Variants in GPC6 observed in about 807,000 individuals in gnomAD.
GPC6 encodes glypican-6.
In GPC6, 14 loss-of-function variants were observed where a neutral mutation model predicts 55.2. That is an observed-to-expected ratio of 0.25 (90% CI 0.17 to 0.40). The LOEUF (loss-of-function observed/expected upper bound fraction) is 0.40. GPC6 is among the 10% of genes least tolerant of loss of function. GPC6 has a pLI of 1.00. For missense variants in GPC6, 641 were observed against 708.5 expected (o/e 0.90, Z 1.08); for synonymous variants, 278 against 259.6 (o/e 1.07, Z -0.68).
chr13:94,226,921 T>C (rs1340744148), intron 4 of GPC6, among the ~76,000 whole-genome samples: 2 of 152,148 alleles, frequency 1.3e-5, no homozygotes, highest in East Asian at 3.9e-4. Context: ...CAAGGAAAGA[T>C]GCCATGAACC....
At chr13:94,363,211 T>A (rs988324975) in intron 6 of GPC6, among the ~76,000 whole-genome samples, 2 of 152,190 alleles carry the variant, frequency 1.3e-5, no homozygotes, top group African/African-American at 2.4e-5. Flanking sequence ...ACTGATGATA[T>A]ATGATTTGTT....
At chr13:94,157,093 A>G (rs760733864) in intron 4 of GPC6, among the ~76,000 whole-genome samples, 15 of 152,118 alleles carry the variant, frequency 9.9e-5, no homozygotes, top group African/African-American at 3.4e-4. Context: ...AACGAAAAAG[A>G]TCCTGGGGCC....
chr13:94,393,814 A>T (rs1359128), intron 7 of GPC6, among the ~76,000 whole-genome samples: 1 of 152,004 alleles, frequency 6.6e-6, no homozygotes, highest in Admixed American at 6.5e-5. Context: ...CCCAATATGC[A>T]GTGCCTTACA....
At chr13:93,395,522 T>C in intron 1 of GPC6, 1 of 177,662 alleles carries the variant, frequency 5.6e-6, no homozygotes, top group South Asian at 1.3e-4. Flanking sequence ...TTCTTCAGTG[T>C]TTTCTTTGAT....
Position 93,705,827 on chromosome 13 carries a change from T to TG in GPC6, c.320-124326dup, listed in dbSNP as rs1160079479. 2.0e-5 allele frequency among the ~76,000 whole-genome samples: 3 copies of TG among 148,550 alleles called. No homozygotes were observed. In the East Asian group the frequency reaches 6.1e-4, roughly 30 times the overall value. ...AGCATCCTTTCTGTTTTTTTTTTTT[T>TG]GTATACTTCCTAAGAGTAAGTTGTT... On this transcript the variant is annotated intron_variant, in intron 2 of 8. Transcript: ENST00000377047.
At chr13:94,329,539 G>T (rs189728605) in intron 6 of GPC6, among the ~76,000 whole-genome samples, 46 of 152,322 alleles carry the variant, frequency 3.0e-4, no homozygotes, top group African/African-American at 1.0e-3. Flanking sequence ...TTCATCCCAG[G>T]GGGGAGGTTT....
chr13:93,891,413 G>T (rs1875674181), intron 3 of GPC6, among the ~76,000 whole-genome samples: 1 of 152,036 alleles, frequency 6.6e-6, no homozygotes, highest in South Asian at 2.1e-4. Context: ...TTGGCTGTTA[G>T]ACCTTGGCCA....
At chr13:94,169,167 A>G (rs1169566693) in intron 4 of GPC6, among the ~76,000 whole-genome samples, 1 of 152,238 alleles carries the variant, frequency 6.6e-6, no homozygotes, top group Non-Finnish European at 1.5e-5. Flanking sequence ...AACGTTTGCA[A>G]TATCACTTTT....
At chr13:94,192,475 G>A (rs1037101179) in intron 4 of GPC6, among the ~76,000 whole-genome samples, 4 of 152,136 alleles carry the variant, frequency 2.6e-5, no homozygotes, top group Non-Finnish European at 5.9e-5. Context: ...CTAGCTCAAG[G>A]GAAAGGGTAC....
At chr13:93,514,233 A>G (rs1234494092) in intron 1 of GPC6, among the ~76,000 whole-genome samples, 1 of 152,054 alleles carries the variant, frequency 6.6e-6, no homozygotes, top group African/African-American at 2.4e-5. Context: ...TGGTTGGCTG[A>G]ACAGACGTCT....
At chr13:93,835,378 C>T (rs1479579664) in intron 3 of GPC6, among the ~76,000 whole-genome samples, 3 of 152,056 alleles carry the variant, frequency 2.0e-5, no homozygotes, top group African/African-American at 7.2e-5. Context: ...TGGCTTGAGC[C>T]CAGGAGGTGG....
intron 4 of GPC6, among the ~76,000 whole-genome samples, chr13:94,043,618 T>C (rs1883620344): frequency 6.6e-6 from 1 of 151,884 alleles, no homozygotes; most frequent in Non-Finnish European, 1.5e-5. Context: ...TGATGCCAGC[T>C]GAACACCACA....
Position 93,464,226 on chromosome 13 carries a change from C to G in GPC6, c.161-81037C>G, listed in dbSNP as rs953087904. 8.1e-4 allele frequency among the ~76,000 whole-genome samples: 123 copies of G among 152,124 alleles called. 1 individual carries two copies. The highest frequency in any genetic ancestry group is 7.9e-3 in the Admixed American group (120 of 15,254). ...TGCTGATTGATCAGGAGGGTAGTTG[C>G]TGAAAGTTGGGGTGAATGTGACAAT... On this transcript the variant is annotated intron_variant, in intron 1 of 8. Transcript: ENST00000377047.
At chr13:94,298,932 TCTTTC>T (rs1875492727) in intron 5 of GPC6, among the ~76,000 whole-genome samples, 1 of 152,218 alleles carries the variant, frequency 6.6e-6, no homozygotes, top group African/African-American at 2.4e-5. Context: ...GTGTTCATTG[TCTTTC>T]CTTTCCTATC....
At chr13:93,565,947 G>A (rs117730147) in intron 2 of GPC6, among the ~76,000 whole-genome samples, 81 of 122,330 alleles carry the variant, frequency 6.6e-4, no homozygotes, top group South Asian at 3.2e-3. Flanking sequence ...AAAAAAAAAA[G>A]AAAAAAAAAA....
intron 6 of GPC6, among the ~76,000 whole-genome samples, chr13:94,311,155 A>G (rs1232072648): frequency 1.3e-5 from 2 of 152,160 alleles, no homozygotes; most frequent in South Asian, 2.1e-4. Context: ...TTACTTGACT[A>G]TATCAACCAA....
At chr13:93,942,322 G>A (rs1476718268) in intron 3 of GPC6, among the ~76,000 whole-genome samples, 2 of 152,100 alleles carry the variant, frequency 1.3e-5, no homozygotes, top group African/African-American at 4.8e-5. Context: ...TCACAACATA[G>A]CAGTCAAGCG....
At chr13:94,127,902 G>A (rs1185122430) in intron 4 of GPC6, among the ~76,000 whole-genome samples, 3 of 152,058 alleles carry the variant, frequency 2.0e-5, no homozygotes, top group Non-Finnish European at 4.4e-5. Context: ...GGCATATCAA[G>A]GTGTCTAGAA....
intron 3 of GPC6, among the ~76,000 whole-genome samples, chr13:93,844,171 G>A (rs919609702): frequency 5.3e-5 from 8 of 151,942 alleles, no homozygotes; most frequent in African/African-American, 1.9e-4. Flanking sequence ...ACAGAGTCTC[G>A]CTCTGTCACC....
Sources: gnomAD v4.1 joint callset for allele counts (sites outside exome capture counted in the v4.1 genomes callset) on GRCh38, gnomAD v4.1.1 for gene constraint, MANE v1.5 for transcripts, NCBI Gene and HGNC (gene_info 2026-07-23, HGNC 2026-07-21) for gene names.